The following INSYN2B variants were observed in gnomAD, a reference collection of about 807,000 sequenced individuals.
INSYN2B encodes the protein protein INSYN2B.
INSYN2B carries 16 observed loss-of-function variants against 41.2 expected under a neutral mutation model. That is an observed-to-expected ratio of 0.39 (90% CI 0.26 to 0.59). The LOEUF (loss-of-function observed/expected upper bound fraction) is 0.59, where lower values mean the gene tolerates loss of function less well. Among genes scored for constraint, INSYN2B ranks in the 20% least tolerant of loss-of-function variants. INSYN2B has a pLI of 0.57. For synonymous variants in INSYN2B, 245 were observed against 244.4 expected (o/e 1.00, Z -0.02); for missense variants, 608 against 646.4 (o/e 0.94, Z 0.64).
chr5:169,972,382 TG>T (rs1777534356), intron 1 of INSYN2B, among the ~76,000 whole-genome samples: 1 of 152,178 alleles, frequency 6.6e-6, no homozygotes, highest in African/African-American at 2.4e-5. Flanking sequence ...ATTTTCTTTG[TG>T]GGGGCTATCC....
chr5:169,891,391 C>A (rs1431599415), intron 1 of INSYN2B, among the ~76,000 whole-genome samples: 1 of 152,182 alleles, frequency 6.6e-6, no homozygotes, highest in Non-Finnish European at 1.5e-5. Flanking sequence ...TAGTTAGAGG[C>A]TTCAAGGAAT....
intron 3 of INSYN2B, among the ~76,000 whole-genome samples, chr5:169,877,012 C>T (rs556228286): frequency 1.3e-5 from 2 of 152,204 alleles, no homozygotes; most frequent in African/African-American, 4.8e-5. Flanking sequence ...AGTGACCTAG[C>T]AGATGAGGGC....
rs780974743 is a variant in INSYN2B, at chr5:169,883,177, G to C, written c.722C>G (p.Pro241Arg). The C allele has an allele frequency of 1.3e-6, 2 of 1,551,632 alleles. No individual in the cohort carries two copies. Among genetic ancestry groups the C allele is most frequent in the Admixed American group, 3.9e-5 (2 of 51,002 alleles). Reference sequence around the variant, plus strand: ...TGGAGTCACCCTTCTCCCATCACCTGGACGTGTGTCATCCAAAGGGTGTAT... The same window carrying C: ...TGGAGTCACCCTTCTCCCATCACCTCGACGTGTGTCATCCAAAGGGTGTAT... Reference protein sequence around the residue: ...NSIHPLDDTRPGDGRRVTPLD... With the variant: ...NSIHPLDDTRRGDGRRVTPLD... The change falls in exon 2 of 4, where the codon CCA (proline) becomes CGA (arginine). Residue 241 changes from proline (P) to arginine (R), a missense_variant. Pro to Arg is a moderately radical substitution (Grantham distance 103). Transcript: ENST00000377365.
At chr5:169,907,735 G>GAA (rs1774364222) in intron 1 of INSYN2B, among the ~76,000 whole-genome samples, 1 of 152,230 alleles carries the variant, frequency 6.6e-6, no homozygotes, top group Non-Finnish European at 1.5e-5. Context: ...CTCTAGAGCA[G>GAA]TGGTTTTCAA....
At chr5:169,978,604 T>C (rs1440843510) in intron 1 of INSYN2B, among the ~76,000 whole-genome samples, 2 of 152,118 alleles carry the variant, frequency 1.3e-5, no homozygotes, top group Non-Finnish European at 2.9e-5. Flanking sequence ...GATCACACAA[T>C]ACTGGGTTTC....
At chr5:169,928,564 A>G (rs1775588768) in intron 1 of INSYN2B, among the ~76,000 whole-genome samples, 1 of 152,236 alleles carries the variant, frequency 6.6e-6, no homozygotes, top group Admixed American at 6.5e-5. Flanking sequence ...GACATGAAGC[A>G]TCGTCCATCC....
intron 1 of INSYN2B, among the ~76,000 whole-genome samples, chr5:169,933,065 C>T (rs1462822724): frequency 6.6e-6 from 1 of 152,198 alleles, no homozygotes; most frequent in Non-Finnish European, 1.5e-5. Flanking sequence ...ATTGCCTTTC[C>T]ACCTATCCTA....
At chr5:169,961,623 T>C (rs1777087706) in intron 1 of INSYN2B, among the ~76,000 whole-genome samples, 1 of 152,086 alleles carries the variant, frequency 6.6e-6, no homozygotes, top group Non-Finnish European at 1.5e-5. Context: ...CTTGAATAAA[T>C]AAATATCTAA....
intron 1 of INSYN2B, among the ~76,000 whole-genome samples, chr5:169,901,979 A>G (rs886803367): frequency 4.6e-5 from 7 of 152,288 alleles, no homozygotes; most frequent in Admixed American, 3.9e-4. Flanking sequence ...ACACCATACC[A>G]TATCAGGCAT....
intron 3 of INSYN2B, among the ~76,000 whole-genome samples, chr5:169,879,893 G>A (rs1581346480): frequency 6.6e-6 from 1 of 152,072 alleles, no homozygotes; most frequent in African/African-American, 2.4e-5. Context: ...TCATTTTAAG[G>A]TAACAGAAAA....
At chr5:169,897,156 A>G (rs1773656636) in intron 1 of INSYN2B, among the ~76,000 whole-genome samples, 1 of 152,182 alleles carries the variant, frequency 6.6e-6, no homozygotes, top group South Asian at 2.1e-4. Context: ...TGAGATTTGG[A>G]AAGTATCACA....
At chr5:169,957,987 T>G (rs1776935216) in intron 1 of INSYN2B, among the ~76,000 whole-genome samples, 1 of 152,152 alleles carries the variant, frequency 6.6e-6, no homozygotes, top group South Asian at 2.1e-4. Context: ...CAGCTCACCT[T>G]GACTGAGATG....
intron 3 of INSYN2B, among the ~76,000 whole-genome samples, chr5:169,872,240 G>T (rs546181182): frequency 6.6e-6 from 1 of 152,200 alleles, no homozygotes; most frequent in African/African-American, 2.4e-5. Flanking sequence ...CTCTTTTAAA[G>T]AATTAGCTGT....
chr5:169,878,203 C>T (rs530348860), intron 3 of INSYN2B, among the ~76,000 whole-genome samples: 2 of 152,228 alleles, frequency 1.3e-5, no homozygotes, highest in Admixed American at 1.3e-4. Flanking sequence ...ACCTCGTGCC[C>T]TTGAGAAGGT....
intron 1 of INSYN2B, among the ~76,000 whole-genome samples, chr5:169,971,557 A>C (rs1340893751): frequency 6.6e-6 from 1 of 152,050 alleles, no homozygotes. Context: ...TCAGCCTCAT[A>C]GGATTTTTCT....
At chr5:169,971,528 CA>C (rs1268859665) in intron 1 of INSYN2B, among the ~76,000 whole-genome samples, 2 of 149,552 alleles carry the variant, frequency 1.3e-5, no homozygotes, top group Non-Finnish European at 3.0e-5. Context: ...GTCAGCTTTT[CA>C]AACAGTTATC....
In INSYN2B at chr5:169,864,357, G is replaced by C. The variant is rs928517182; in HGVS notation, c.1524C>G (p.Ser508=). The stretch of plus-strand genomic sequence containing the variant: ...TTTCCGGGGCTGGGGGTTCTGCTGG[G>C]GACTTTGGTGGGGGCGATGCCTCCT... The part of the protein sequence containing the change: ...PVEEASPPPK[S]PAEPPAPEKQ... The change falls in exon 4 of 4, where the codon TCC becomes TCG. Residue 508 remains serine, a synonymous_variant. Coordinates refer to ENST00000377365, the MANE Select transcript of INSYN2B (RefSeq NM_001129891.3). 2 of 1,551,520 alleles carry C rather than the reference G, an allele frequency of 1.3e-6. No individual in the cohort carries two copies. Among genetic ancestry groups the C allele is most frequent in the African/African-American group, 2.7e-5 (2 of 73,144 alleles).
chr5:169,864,364 G>T lies in INSYN2B; in HGVS notation c.1517C>A (p.Pro506Gln). 1 of 1,551,518 alleles carries T rather than the reference G, an allele frequency of 6.4e-7. No homozygotes were observed. Among genetic ancestry groups the T allele is most frequent in the South Asian group, 1.2e-5 (1 of 84,046 alleles). Reference protein sequence around the residue: ...AEPVEEASPPPKSPAEPPAPE... With the variant: ...AEPVEEASPPQKSPAEPPAPE... The stretch of plus-strand genomic sequence containing the variant: ...GGCTGGGGGTTCTGCTGGGGACTTT[G>T]GTGGGGGCGATGCCTCCTCAACTGG... Residue 506 changes from proline (P) to glutamine (Q), a missense_variant, in exon 4 of 4, where the codon CCA (proline) becomes CAA (glutamine). By Grantham distance (76) the Pro-to-Gln change is moderately conservative. Coordinates refer to ENST00000377365, the MANE Select transcript of INSYN2B (RefSeq NM_001129891.3).
intron 1 of INSYN2B, among the ~76,000 whole-genome samples, chr5:169,974,164 C>T (rs557963821): frequency 1.4e-4 from 22 of 152,278 alleles, no homozygotes; most frequent in African/African-American, 5.3e-4. Context: ...CAACCTATAT[C>T]CCCTCTCTGT....
Sources: gnomAD v4.1 joint callset for allele counts (sites outside exome capture counted in the v4.1 genomes callset) on GRCh38, gnomAD v4.1.1 for gene constraint, MANE v1.5 for transcripts, NCBI Gene and HGNC (gene_info 2026-07-23, HGNC 2026-07-21) for gene names.